MRC2: variants seen among roughly 807,000 people sequenced by gnomAD.
MRC2 encodes the protein mannose receptor C-type 2, also known as C-type mannose receptor 2.
A neutral mutation model predicts 206.2 loss-of-function variants in MRC2; 84 were observed. The observed-to-expected ratio is 0.41, with a 90% CI of 0.34 to 0.49. The LOEUF (loss-of-function observed/expected upper bound fraction) is 0.49. Ranked by LOEUF, MRC2 falls within the 20% of genes least tolerant of loss-of-function variation. MRC2 has a pLI of 0.31. For synonymous variants in MRC2, 798 were observed against 800.0 expected, an observed-to-expected ratio of 1.00 and a Z score of 0.04; for missense variants, 1,676 against 2,001.5, an observed-to-expected ratio of 0.84 and a Z score of 3.10.
At chr17:62,635,712 G>C (rs2088305301) in intron 1 of MRC2, among the ~76,000 whole-genome samples, 1 of 152,162 alleles carries the variant, frequency 6.6e-6, no homozygotes, top group African/African-American at 2.4e-5. Flanking sequence ...GCGTTTGGAG[G>C]CCACGGGAGG....
chr17:62,673,681 T>C (rs2088854758), intron 8 of MRC2, among the ~76,000 whole-genome samples: 1 of 152,058 alleles, frequency 6.6e-6, no homozygotes, highest in East Asian at 1.9e-4. Flanking sequence ...GCTAACTTTT[T>C]GTATTTTCAG....
At chr17:62,645,947 A>G (rs1454402208) in intron 1 of MRC2, among the ~76,000 whole-genome samples, 6 of 151,744 alleles carry the variant, frequency 4.0e-5, no homozygotes, top group African/African-American at 1.5e-4. Flanking sequence ...TCTACTGGCT[A>G]CATAGGGTTC....
rs1382855211 is a variant in MRC2, at chr17:62,692,189, C to T, written c.4220-42C>T. 3 of 1,613,916 alleles carry T rather than the reference C, an allele frequency of 1.9e-6. No homozygotes were observed. Among genetic ancestry groups the T allele is most frequent in the Admixed American group, 3.3e-5 (2 of 60,000 alleles). On this transcript the variant is annotated intron_variant, in intron 29 of 29. Coordinates refer to ENST00000303375, the MANE Select transcript of MRC2 (RefSeq NM_006039.5). The surrounding 1 kb of genome is among the most constrained non-coding windows in gnomAD (Gnocchi z 4.2). Reference sequence around the variant, plus strand: ...TGGGCAGGCAGGAAGCACTGCTGGGCCTAACGCCCACTTGGCCTTTCACGC... The same window carrying T: ...TGGGCAGGCAGGAAGCACTGCTGGGTCTAACGCCCACTTGGCCTTTCACGC...
Position 62,675,908 on chromosome 17 carries a change from A to C in MRC2, c.1685+3A>C. On this transcript the variant is annotated splice_donor_region_variant and intron_variant, in intron 10 of 29. Coordinates refer to ENST00000303375, the MANE Select transcript of MRC2 (RefSeq NM_006039.5). This position sits in a 1 kb window ranked among gnomAD's most constrained non-coding sequence, Gnocchi z 4.1. ...CAGCTGGTCACCATCACCAACAGGT[A>C]CAGCAGGGGCGGGTGCCCTGACTAG... 1 of 1,613,580 alleles carries C rather than the reference A, an allele frequency of 6.2e-7. No individual in the cohort carries two copies. Among genetic ancestry groups the C allele is most frequent in the Middle Eastern group, 1.6e-4 (1 of 6,062 alleles).
In MRC2 at chr17:62,680,609, T is replaced by C. The variant is rs1233075900; in HGVS notation, c.2473+156T>C. The C allele has an allele frequency of 1.5e-6, 2 of 1,297,290 alleles. No individual in the cohort carries two copies. Among genetic ancestry groups the C allele is most frequent in the Admixed American group, 4.6e-5 (2 of 43,526 alleles). The allele number at this position is 1,297,290 out of a possible 1,614,324, so 80.4% of individuals were successfully genotyped here. ...GCTCGGACGGAGGCAGCCACAGCCCTGTTTGCTTCCGTGTGGGAGGCGAGG... is the reference window on the plus strand; with the variant it reads ...GCTCGGACGGAGGCAGCCACAGCCCCGTTTGCTTCCGTGTGGGAGGCGAGG... On this transcript the variant is annotated intron_variant, in intron 16 of 29. Transcript: ENST00000303375. This position sits in a 1 kb window ranked among gnomAD's most constrained non-coding sequence, Gnocchi z 4.8.
At position 62,679,890 on chromosome 17, in the gene MRC2, C is replaced by T. The variant is rs1406965797; in HGVS notation, c.2286C>T (p.Ser762=). 5 of 1,612,116 alleles carry T rather than the reference C, an allele frequency of 3.1e-6. No individual in the cohort carries two copies. The African/African-American group carries it at 6.7e-5, about 22-fold the overall frequency. ...GAGGGGGTCAGAGTTGGCGCTGGAG[C>T]GACGGCGTAGGGGTGAGGGGGCCTG... ...DPRGGQSWRW[S]DGVGFSYHNF... The change falls in exon 14 of 30, where the codon AGC becomes AGT. Residue 762 remains serine (S), a synonymous_variant. Transcript: ENST00000303375.
intron 1 of MRC2, among the ~76,000 whole-genome samples, chr17:62,649,887 TTTTTTTTTAA>T (rs1473016954): frequency 1.3e-4 from 19 of 151,350 alleles, no homozygotes; most frequent in Admixed American, 8.0e-4. Flanking sequence ...GTCATTCTTT[TTTTTTTTTAA>T]TTTTTTTTAA....
At position 62,671,785 on chromosome 17, in the gene MRC2, C is replaced by T. The variant is rs2088829540; in HGVS notation, c.1254C>T (p.Val418=). The T allele has an allele frequency of 1.9e-6, 3 of 1,610,856 alleles. No homozygotes were observed. Among genetic ancestry groups the T allele is most frequent in the African/African-American group, 2.7e-5 (2 of 74,842 alleles). The change falls in exon 7 of 30, where the codon GTC becomes GTT. Residue 418 remains valine, a synonymous_variant. Transcript: ENST00000303375. The surrounding 1 kb of genome is among the most constrained non-coding windows in gnomAD (Gnocchi z 4.5). ...KACLRGGGDL[V]SIHSMAELEF... is the part of the protein sequence containing the mutation. ...GTCTACGGGGCGGTGGCGACCTGGT[C>T]AGCATCCACAGCATGGCGGAGCTGG...
chr17:62,635,054 C>A (rs1478781564), intron 1 of MRC2, among the ~76,000 whole-genome samples: 1 of 151,902 alleles, frequency 6.6e-6, no homozygotes, highest in African/African-American at 2.4e-5. Flanking sequence ...GGGTCTTGAA[C>A]TCCTGACCTC....
chr17:62,667,025 C>T lies in MRC2; in HGVS notation c.973+155C>T, dbSNP rs1236497670. 6.6e-6 allele frequency among the ~76,000 whole-genome samples: 1 copy of T among 152,098 alleles called. No individual in the cohort carries two copies. Among genetic ancestry groups the T allele is most frequent in the Non-Finnish European group, 1.5e-5 (1 of 67,988 alleles). On this transcript the variant is annotated intron_variant, in intron 5 of 29. Transcript: ENST00000303375. This position sits in a 1 kb window ranked among gnomAD's most constrained non-coding sequence, Gnocchi z 4.1. The stretch of plus-strand genomic sequence containing the variant: ...CCTCCCCAGACTGCGCCCCCCTAGC[C>T]CATGTAGGGCGGCGCTGCCCCAGGC...
intron 1 of MRC2, among the ~76,000 whole-genome samples, chr17:62,631,927 GAGACCTCCCCACCGTGTCTCC>G (rs1260391048): frequency 6.6e-6 from 1 of 152,104 alleles, no homozygotes; most frequent in Non-Finnish European, 1.5e-5. Context: ...TTCTTTATTT[GAGACCTCCCCACCGTGTCTCC>G]AGTGGGGGTC....
At chr17:62,648,645 G>A (rs1369955126) in intron 1 of MRC2, among the ~76,000 whole-genome samples, 1 of 152,148 alleles carries the variant, frequency 6.6e-6, no homozygotes, top group African/African-American at 2.4e-5. Flanking sequence ...CCTGAGGAGG[G>A]GTCCAGAGTT....
At chr17:62,644,595 G>A (rs948459326) in intron 1 of MRC2, among the ~76,000 whole-genome samples, 1 of 152,120 alleles carries the variant, frequency 6.6e-6, no homozygotes, top group Admixed American at 6.6e-5. Flanking sequence ...GTGGCAGCGG[G>A]CATCTTTTGC....
intron 1 of MRC2, among the ~76,000 whole-genome samples, chr17:62,653,156 T>C (rs1436161201): frequency 6.6e-6 from 1 of 152,130 alleles, no homozygotes; most frequent in Non-Finnish European, 1.5e-5. Flanking sequence ...CTGCTTGCTG[T>C]AGCGCGGCCG....
At chr17:62,643,435 C>T (rs370578196) in intron 1 of MRC2, among the ~76,000 whole-genome samples, 16 of 151,794 alleles carry the variant, frequency 1.1e-4, no homozygotes, top group African/African-American at 3.9e-4. Flanking sequence ...ACCTTTAGTG[C>T]GGGAGAAGGG....
In MRC2 at chr17:62,692,213, G is replaced by A. The variant is rs1485885498; in HGVS notation, c.4220-18G>A. On this transcript the variant is annotated intron_variant, in intron 29 of 29. Transcript: ENST00000303375. This position sits in a 1 kb window ranked among gnomAD's most constrained non-coding sequence, Gnocchi z 4.2. ...GCCTAACGCCCACTTGGCCTTTCAC[G>A]CCCACTCGCCTTGGCAGCGCTTCCA... 4 of 1,612,924 alleles carry A rather than the reference G, an allele frequency of 2.5e-6. No homozygotes were observed. The highest frequency in any genetic ancestry group is 3.4e-6 in the Non-Finnish European group (4 of 1,179,352).
At chr17:62,674,873 C>A (rs914663119) in intron 9 of MRC2, among the ~76,000 whole-genome samples, 37 of 152,102 alleles carry the variant, frequency 2.4e-4, no homozygotes, top group African/African-American at 8.9e-4. Context: ...CTTGGCCCCC[C>A]CCAGCAGCCC....
Position 62,680,124 on chromosome 17 carries a change from G to T in MRC2, c.2299-46G>T. 1 of 1,611,996 alleles carries T rather than the reference G, an allele frequency of 6.2e-7. No homozygotes were observed. The highest frequency in any genetic ancestry group is 8.5e-7 in the Non-Finnish European group (1 of 1,178,940). ...CCTGTTCCGGGCATGGGGGCGGCCT[G>T]CACCTTGCGCCTCACGTTCCTCTTC... is the stretch of plus-strand genomic sequence containing the variant. On this transcript the variant is annotated intron_variant, in intron 14 of 29. Transcript: ENST00000303375. The surrounding 1 kb of genome is among the most constrained non-coding windows in gnomAD (Gnocchi z 4.8).
intron 2 of MRC2, among the ~76,000 whole-genome samples, chr17:62,665,859 G>A (rs1217297315): frequency 6.6e-6 from 1 of 152,006 alleles, no homozygotes; most frequent in African/African-American, 2.4e-5. Context: ...GGGGTACTAG[G>A]GAGCCCCTTC....
Sources: gnomAD v4.1 joint callset for allele counts (sites outside exome capture counted in the v4.1 genomes callset) on GRCh38, gnomAD v4.1.1 for gene constraint, Gnocchi (gnomAD v3.1) non-coding constraint, MANE v1.5 for transcripts, NCBI Gene and HGNC (gene_info 2026-07-23, HGNC 2026-07-21) for gene names.